The following SARM1 variants were observed in gnomAD, a reference collection of about 807,000 sequenced individuals.
SARM1 encodes sterile alpha and TIR motif containing 1, also known as NAD(+) hydrolase SARM1.
Under a neutral mutation model 65.1 loss-of-function variants are expected in SARM1, and 60 were observed. The observed-to-expected ratio is 0.92, with a 90% confidence interval of 0.75 to 1.14. The LOEUF is 1.14. Among genes scored for constraint, SARM1 ranks in the 50% most tolerant of loss-of-function variants. The pLI is 0.00. For synonymous variants in SARM1, 417 were observed against 465.4 expected, an observed-to-expected ratio of 0.90 and a Z score of 1.34; for missense variants, 913 against 1,015.7, an observed-to-expected ratio of 0.90 and a Z score of 1.37.
intron 1 of SARM1, among the ~76,000 whole-genome samples, chr17:28,377,460 C>T (rs1555584745): frequency 6.6e-6 from 1 of 152,140 alleles, no homozygotes; most frequent in Non-Finnish European, 1.5e-5. Context: ...AAAAATCAGC[C>T]AGACATGGTG....
At chr17:28,375,455 G>A (rs1482343563) in intron 1 of SARM1, among the ~76,000 whole-genome samples, 1 of 151,888 alleles carries the variant, frequency 6.6e-6, no homozygotes, top group Non-Finnish European at 1.5e-5. Context: ...AAAATTAGCC[G>A]GGCTTGATGA....
In SARM1 at chr17:28,384,631, CG is replaced by C. The variant is rs2068040859; in HGVS notation, c.1302+63del. The C allele has an allele frequency of 6.2e-6, 9 of 1,442,542 alleles. No individual in the cohort carries two copies. The South Asian group carries it at 1.2e-4, about 19-fold the overall frequency. 89.4% of individuals were successfully genotyped at this position (1,442,542 alleles called of 1,614,324 possible). On this transcript the variant is annotated intron_variant, in intron 3 of 8. Coordinates refer to ENST00000585482, the MANE Select transcript of SARM1 (RefSeq NM_015077.4). The surrounding 1 kb of genome is among the most constrained non-coding windows in gnomAD (Gnocchi z 4.4). The stretch of plus-strand genomic sequence containing the variant: ...GCGGGCGCCCTGTGCACAGGGACTG[CG>C]TTCCCTCCCCGCCTCGCAATCCCGC...
rs992443072 is a variant in SARM1 at position 28,402,181 on chromosome 17, C to T, written c.*5895C>T. On this transcript the variant is annotated 3_prime_UTR_variant, in exon 9 of 9. Coordinates refer to ENST00000585482, the MANE Select transcript of SARM1 (RefSeq NM_015077.4). ...CCCCCAGCCATGGCTGCCCATCAGC[C>T]CGTTTCGGGCAGCACTGGACATGAG... The T allele has an allele frequency of 2.0e-6, 3 of 1,476,918 alleles. No individual in the cohort carries two copies. In the Admixed American group the frequency reaches 5.6e-5, roughly 28 times the overall value. 91.5% of individuals were successfully genotyped at this position (1,476,918 alleles called of 1,614,324 possible).
intron 2 of SARM1, among the ~76,000 whole-genome samples, chr17:28,383,834 A>G (rs1555585583): frequency 6.6e-6 from 1 of 152,218 alleles, no homozygotes; most frequent in Non-Finnish European, 1.5e-5. Flanking sequence ...AGCAGGCTGC[A>G]TGAAGGAGGT....
Position 28,388,543 on chromosome 17 carries a change from G to T in SARM1, c.1923+4G>T. The T allele has an allele frequency of 6.2e-7, 1 of 1,611,996 alleles. No individual in the cohort carries two copies. Among genetic ancestry groups the T allele is most frequent in the Middle Eastern group, 1.7e-4 (1 of 6,016 alleles). On this transcript the variant is annotated splice_donor_region_variant and intron_variant, in intron 7 of 8. Coordinates refer to ENST00000585482, the MANE Select transcript of SARM1 (RefSeq NM_015077.4). ...CTGCAAGGATTGGGTGCATAAGGTA[G>T]GTGCCTGCCTATGCTTCTGCGGTCC...
rs2068038669 is a variant in SARM1, at chr17:28,384,346, T to C, written c.1090-11T>C. Reference sequence around the variant, plus strand: ...GTGGGACCTACAGCCCTCTCCCCACTCCCTCCCTAGGTGTTCAGCGACATC... The same window carrying C: ...GTGGGACCTACAGCCCTCTCCCCACCCCCTCCCTAGGTGTTCAGCGACATC... On this transcript the variant is annotated splice_polypyrimidine_tract_variant and intron_variant, in intron 2 of 8. Coordinates refer to ENST00000585482, the MANE Select transcript of SARM1 (RefSeq NM_015077.4). The surrounding 1 kb of genome is among the most constrained non-coding windows in gnomAD (Gnocchi z 4.4). The C allele has an allele frequency of 6.4e-7, 1 of 1,561,238 alleles. No individual in the cohort carries two copies. The highest frequency in any genetic ancestry group is 1.9e-5 in the Admixed American group (1 of 53,624).
rs544531445 is a variant in SARM1 at position 28,385,606 on chromosome 17, G to A, written c.1630+331G>A. ...GTCTAGATTTCAGAGAGGACAGGAT[G>A]CCTGACCATGTCTTGAGAGGTGCAC... On this transcript the variant is annotated intron_variant, in intron 5 of 8. Coordinates refer to ENST00000585482, the MANE Select transcript of SARM1 (RefSeq NM_015077.4). The surrounding 1 kb of genome is among the most constrained non-coding windows in gnomAD (Gnocchi z 4.5). 5.3e-5 allele frequency: 21 copies of A among 398,452 alleles called. 1 individual carries two copies. The Admixed American group carries it at 8.7e-4, about 16-fold the overall frequency. 24.7% of individuals were successfully genotyped at this position (398,452 alleles called of 1,614,324 possible). A position where few individuals can be genotyped will look rare whatever the true frequency, so the allele number is the denominator to read the frequency against.
Position 28,384,343 on chromosome 17 carries a change from C to CA in SARM1, c.1090-13dup. ...CTGGTGGGACCTACAGCCCTCTCCC[C>CA]ACTCCCTCCCTAGGTGTTCAGCGAC... On this transcript the variant is annotated splice_polypyrimidine_tract_variant and intron_variant, in intron 2 of 8. Transcript: ENST00000585482. This position sits in a 1 kb window ranked among gnomAD's most constrained non-coding sequence, Gnocchi z 4.4. The CA allele has an allele frequency of 6.4e-7, 1 of 1,558,728 alleles. No homozygotes were observed. The highest frequency in any genetic ancestry group is 1.4e-5 in the African/African-American group (1 of 73,584).
At chr17:28,379,296 G>A (rs567360979) in intron 1 of SARM1, among the ~76,000 whole-genome samples, 23 of 129,136 alleles carry the variant, frequency 1.8e-4, no homozygotes, top group African/African-American at 5.2e-4. Flanking sequence ...TCTCCATTTA[G>A]ATCTTTTTTT....
intron 2 of SARM1, among the ~76,000 whole-genome samples, chr17:28,382,090 G>T (rs1472032339): frequency 1.3e-5 from 2 of 152,082 alleles, no homozygotes; most frequent in African/African-American, 4.8e-5. Flanking sequence ...GTGGAAAGGG[G>T]CTTGGCAAGG....
In SARM1 at chr17:28,401,173, C is replaced by A; in HGVS notation, c.*4887C>A. ...AGTTCCAATATTCATAGCGGTGTCA[C>A]CACTGAATAGCTTCTTATCCTTTGG... On this transcript the variant is annotated 3_prime_UTR_variant, in exon 9 of 9. Coordinates refer to ENST00000585482, the MANE Select transcript of SARM1 (RefSeq NM_015077.4). 1 of 240,494 alleles carries A rather than the reference C, an allele frequency of 4.2e-6. No individual in the cohort carries two copies. The highest frequency in any genetic ancestry group is 1.8e-3 in the Middle Eastern group (1 of 570). The allele number at this position is 240,494 out of a possible 1,614,324, so 14.9% of individuals were successfully genotyped here.
chr17:28,371,956 C>A lies in SARM1; in HGVS notation c.-77C>A. 9.0e-7 allele frequency: 1 copy of A among 1,114,280 alleles called. No individual in the cohort carries two copies. The highest frequency in any genetic ancestry group is 1.2e-6 in the Non-Finnish European group (1 of 829,666). The allele number at this position is 1,114,280 out of a possible 1,614,324, so 69.0% of individuals were successfully genotyped here. A position where few individuals can be genotyped will look rare whatever the true frequency, so the allele number is the denominator to read the frequency against. On this transcript the variant is annotated 5_prime_UTR_variant, in exon 1 of 9. Transcript: ENST00000585482. ...CTTCTTTCCCCGACCCCTCTCGGGT[C>A]CCTCTTTTCCCAAAACCCGGGTCTC...
chr17:28,396,421 C>A lies in SARM1; in HGVS notation c.*135C>A. 2.0e-6 allele frequency: 2 copies of A among 991,130 alleles called. No individual in the cohort carries two copies. The highest frequency in any genetic ancestry group is 3.0e-6 in the Non-Finnish European group (2 of 667,040). The allele number at this position is 991,130 out of a possible 1,614,324, so 61.4% of individuals were successfully genotyped here. A position where few individuals can be genotyped will look rare whatever the true frequency, so the allele number is the denominator to read the frequency against. On this transcript the variant is annotated 3_prime_UTR_variant, in exon 9 of 9. Coordinates refer to ENST00000585482, the MANE Select transcript of SARM1 (RefSeq NM_015077.4). ...AGGAAATGGCTCTCCCTCCCCCTGT[C>A]CCCCACCCTCATGGCCCACCTCCAA...
intron 7 of SARM1, chr17:28,395,480 G>T: frequency 5.8e-6 from 1 of 173,370 alleles, no homozygotes; most frequent in Non-Finnish European, 1.2e-5. Flanking sequence ...TAAATCATTG[G>T]CCATTGGTGA....
At chr17:28,393,026 T>C (rs1555587131) in intron 7 of SARM1, among the ~76,000 whole-genome samples, 1 of 152,148 alleles carries the variant, frequency 6.6e-6, no homozygotes, top group Admixed American at 6.5e-5. Context: ...AGAAAAACAT[T>C]CAATAAGCAC....
Position 28,399,756 on chromosome 17 carries a change from C to T in SARM1, c.*3470C>T, listed in dbSNP as rs782584154. 7 of 1,605,694 alleles carry T rather than the reference C, an allele frequency of 4.4e-6. No individual in the cohort carries two copies. Among genetic ancestry groups the T allele is most frequent in the Admixed American group, 3.3e-5 (2 of 59,986 alleles). On this transcript the variant is annotated 3_prime_UTR_variant, in exon 9 of 9. Transcript: ENST00000585482. The stretch of plus-strand genomic sequence containing the variant: ...GAGAGTTTGGATTTCATGTGGGGAA[C>T]CCTCAAGGCCTGTCTGGAGAAGTGA...
chr17:28,372,238 T>C lies in SARM1; in HGVS notation c.206T>C (p.Leu69Pro). ...GTGCAGGACGCCCTGGAGCGCGCGCTGCCGGAGCTGCAGCAGGCCTTGTCC... is the reference window on the plus strand; with the variant it reads ...GTGCAGGACGCCCTGGAGCGCGCGCCGCCGGAGCTGCAGCAGGCCTTGTCC... ...TEVQDALERA[L>P]PELQQALSAL... is the part of the protein sequence containing the mutation. Residue 69 changes from leucine to proline, a missense_variant, in exon 1 of 9, where the codon CTG (leucine) becomes CCG (proline). Physicochemically the swap from Leu to Pro is moderately conservative, Grantham distance 98 (BLOSUM62 -3). This residue lies in a region of SARM1 where 862 missense variants were observed against 952.1 expected (regional missense o/e 0.91). Coordinates refer to ENST00000585482, the MANE Select transcript of SARM1 (RefSeq NM_015077.4). This position sits in a 1 kb window ranked among gnomAD's most constrained non-coding sequence, Gnocchi z 5.2. The C allele has an allele frequency of 7.2e-7, 1 of 1,384,890 alleles. No homozygotes were observed. Among genetic ancestry groups the C allele is most frequent in the South Asian group, 1.6e-5 (1 of 60,794 alleles). The allele number at this position is 1,384,890 out of a possible 1,614,324, so 85.8% of individuals were successfully genotyped here.
chr17:28,385,935 A>G lies in SARM1; in HGVS notation c.1630+660A>G, dbSNP rs1477935094. 1.3e-5 allele frequency among the ~76,000 whole-genome samples: 2 copies of G among 152,174 alleles called. No homozygotes were observed. Among genetic ancestry groups the G allele is most frequent in the Non-Finnish European group, 2.9e-5 (2 of 68,036 alleles). The stretch of plus-strand genomic sequence containing the variant: ...ATCAGTCTCTATATTGATTCTATGC[A>G]ATGAGTGTTCAGTTTTTAAAATCAA... On this transcript the variant is annotated intron_variant, in intron 5 of 8. Coordinates refer to ENST00000585482, the MANE Select transcript of SARM1 (RefSeq NM_015077.4). The surrounding 1 kb of genome is among the most constrained non-coding windows in gnomAD (Gnocchi z 4.5).
intron 1 of SARM1, among the ~76,000 whole-genome samples, chr17:28,379,723 A>C (rs1275956443): frequency 6.6e-6 from 1 of 152,252 alleles, no homozygotes; most frequent in Non-Finnish European, 1.5e-5. Flanking sequence ...CAATAAAATA[A>C]GGTAATGAGT....
Sources: gnomAD v4.1 joint callset for allele counts (sites outside exome capture counted in the v4.1 genomes callset) on GRCh38, gnomAD v4.1.1 for gene constraint, gnomAD v4.1.1 regional missense constraint, Gnocchi (gnomAD v3.1) non-coding constraint, MANE v1.5 for transcripts, NCBI Gene and HGNC (gene_info 2026-07-23, HGNC 2026-07-21) for gene names.